The following NFIB variants were observed in gnomAD, a reference collection of about 807,000 sequenced individuals.
NFIB encodes the protein nuclear factor I B.
Under a neutral mutation model 61.5 loss-of-function variants are expected in NFIB, and 11 were observed. The ratio of observed to expected loss-of-function variants is 0.18; its 90% CI spans 0.11 to 0.30. The LOEUF (loss-of-function observed/expected upper bound fraction) is 0.30, where lower values mean the gene tolerates loss of function less well. Ranked by LOEUF, NFIB falls within the 10% of genes least tolerant of loss-of-function variation. The pLI is 1.00. For missense variants in NFIB, 471 were observed against 608.9 expected (o/e 0.77, Z 2.38); for synonymous variants, 260 against 216.5 (o/e 1.20, Z -1.76).
chr9:14,434,772 C>T, the NFIB span, among the ~76,000 whole-genome samples: 1 of 152,208 alleles, frequency 6.6e-6, no homozygotes, highest in Non-Finnish European at 1.5e-5. Flanking sequence ...AGTAAGTAGT[C>T]TACACAAGAT....
upstream of NFIB, among the ~76,000 whole-genome samples, chr9:14,316,067 C>T (rs950060986): frequency 1.3e-5 from 2 of 152,154 alleles, no homozygotes; most frequent in African/African-American, 2.4e-5. Flanking sequence ...TTCTGTCCAC[C>T]GTCCCCTCTT....
At chr9:14,150,320 T>C (rs780261297) in intron 4 of NFIB, 55 bp from the exon 5 acceptor site, 319 of 1,608,590 alleles carry the variant, frequency 2.0e-4, no homozygotes, top group Non-Finnish European at 2.7e-4. Flanking sequence ...CTGACCTCTA[T>C]TCAAATGTAA....
the NFIB span, among the ~76,000 whole-genome samples, chr9:14,447,291 T>C: frequency 9.8e-5 from 15 of 152,356 alleles, no homozygotes; most frequent in African/African-American, 3.4e-4. Flanking sequence ...CTATTGCTCA[T>C]GGTGCATTAT....
At chr9:14,497,419 T>TAGGA in the NFIB span, among the ~76,000 whole-genome samples, 2 of 152,204 alleles carry the variant, frequency 1.3e-5, no homozygotes, top group Non-Finnish European at 2.9e-5. Context: ...CACCAGTGTC[T>TAGGA]AGGAGCTTAT....
chr9:14,472,214 G>A, the NFIB span, among the ~76,000 whole-genome samples: 2 of 152,180 alleles, frequency 1.3e-5, no homozygotes, highest in Admixed American at 6.5e-5. Context: ...TCATTTAAGT[G>A]AGCACTAGCA....
intron 1 of NFIB, among the ~76,000 whole-genome samples, chr9:14,329,626 T>C (rs994782334): frequency 6.6e-6 from 1 of 151,946 alleles, no homozygotes; most frequent in Admixed American, 6.5e-5. Flanking sequence ...GCAATTCTTC[T>C]GCCTCAGCCT....
the NFIB span, among the ~76,000 whole-genome samples, chr9:14,507,708 A>G: frequency 6.6e-6 from 1 of 152,154 alleles, no homozygotes; most frequent in African/African-American, 2.4e-5. Context: ...GCAGAGTGTT[A>G]GGTTTTTTGA....
the NFIB span, among the ~76,000 whole-genome samples, chr9:14,468,026 GC>G: frequency 3.3e-5 from 5 of 152,188 alleles, no homozygotes; most frequent in African/African-American, 1.2e-4. Context: ...AATCAGCTTT[GC>G]ATTAGATATT....
intron 10 of NFIB, among the ~76,000 whole-genome samples, chr9:14,090,625 A>C (rs7863375): frequency 0.061 from 9,347 of 152,146 alleles, 921 homozygotes; most frequent in African/African-American, 0.21. Context: ...AAAAATGGTT[A>C]TACATTATTT....
At chr9:14,531,122 C>T in the NFIB span, among the ~76,000 whole-genome samples, 7 of 152,184 alleles carry the variant, frequency 4.6e-5, no homozygotes, top group South Asian at 1.5e-3. Flanking sequence ...GGTTTTCTTT[C>T]CCCAAACTAC....
chr9:14,465,823 T>C, the NFIB span, among the ~76,000 whole-genome samples: 9 of 152,098 alleles, frequency 5.9e-5, no homozygotes, highest in Non-Finnish European at 1.2e-4. Context: ...CACTGTACGA[T>C]GTTAAGCAGC....
At position 14,174,175 on chromosome 9, in the gene NFIB, T is replaced by TA. The variant is rs57938595; in HGVS notation, c.616+5551dup. On this transcript the variant is annotated intron_variant, in intron 3 of 10. Coordinates refer to ENST00000380953, the MANE Select transcript of NFIB (RefSeq NM_001190737.2). ...AAAAATGTTTTAAAACAAAATACAT[T>TA]AAAAAAAAAGTCCTTTGATTTTAGC... 2.5e-4 allele frequency among the ~76,000 whole-genome samples: 38 copies of TA among 151,174 alleles called. 1 individual carries two copies. In the South Asian group the frequency reaches 6.1e-3, roughly 24 times the overall value.
intron 3 of NFIB, among the ~76,000 whole-genome samples, chr9:14,165,446 A>G (rs1244546015): frequency 6.6e-6 from 1 of 152,208 alleles, no homozygotes; most frequent in African/African-American, 2.4e-5. Flanking sequence ...ACAATACACT[A>G]TTATAATCAG....
At chr9:14,348,934 T>C (rs1245640695) in intron 1 of NFIB, among the ~76,000 whole-genome samples, 2 of 152,266 alleles carry the variant, frequency 1.3e-5, no homozygotes, top group Non-Finnish European at 2.9e-5. Flanking sequence ...GGCGGCTTCC[T>C]GGGCTCCCGC....
At chr9:14,462,881 A>T in the NFIB span, among the ~76,000 whole-genome samples, 1 of 152,322 alleles carries the variant, frequency 6.6e-6, no homozygotes, top group African/African-American at 2.4e-5. Flanking sequence ...CATGTTTTAA[A>T]GTTATGCAAC....
chr9:14,086,435 A>C lies in NFIB; in HGVS notation c.*1874T>G. On this transcript the variant is annotated 3_prime_UTR_variant, in exon 11 of 11. Coordinates refer to ENST00000380953, the MANE Select transcript of NFIB (RefSeq NM_001190737.2). ...TATAATAACCAATACAGCTAAAAGC[A>C]CTACCTACATAGGCAAAACTTGGTA... is the stretch of plus-strand genomic sequence containing the variant. 1 of 217,660 alleles carries C rather than the reference A, an allele frequency of 4.6e-6. No individual in the cohort carries two copies. Among genetic ancestry groups the C allele is most frequent in the East Asian group, 6.8e-5 (1 of 14,756 alleles). 13.5% of individuals were successfully genotyped at this position (217,660 alleles called of 1,614,324 possible).
intron 10 of NFIB, among the ~76,000 whole-genome samples, chr9:14,097,701 T>C (rs755441285): frequency 2.6e-4 from 39 of 152,100 alleles, no homozygotes; most frequent in Non-Finnish European, 4.3e-4. Flanking sequence ...CAACCCATTA[T>C]TGAAAGTTAT....
At position 14,084,985 on chromosome 9, in the gene NFIB, G is replaced by A. The variant is rs1450778889; in HGVS notation, c.*3324C>T. Reference sequence around the variant, plus strand: ...CACTGGCAAAAAAGAGAGCGAGTCTGCCTTTAAAAAATACTGTGTGTCCTG... The same window carrying A: ...CACTGGCAAAAAAGAGAGCGAGTCTACCTTTAAAAAATACTGTGTGTCCTG... On this transcript the variant is annotated 3_prime_UTR_variant, in exon 11 of 11. Transcript: ENST00000380953. The A allele has an allele frequency of 4.4e-6, 1 of 229,622 alleles. No homozygotes were observed. The highest frequency in any genetic ancestry group is 8.7e-6 in the Non-Finnish European group (1 of 115,548). The allele number at this position is 229,622 out of a possible 1,614,324, so 14.2% of individuals were successfully genotyped here.
intron 2 of NFIB, among the ~76,000 whole-genome samples, chr9:14,293,019 A>C (rs183256454): frequency 4.9e-4 from 74 of 152,370 alleles, no homozygotes; most frequent in African/African-American, 1.7e-3. Flanking sequence ...AAAGGATTAA[A>C]TAACAGAATT....
Sources: allele counts gnomAD v4.1 joint callset (sites outside exome capture counted in the v4.1 genomes callset), GRCh38; gene constraint gnomAD v4.1.1; transcripts MANE v1.5; gene names NCBI Gene and HGNC (gene_info 2026-07-23, HGNC 2026-07-21).